NTN1: variants seen among roughly 807,000 people sequenced by gnomAD.
NTN1 encodes netrin 1.
NTN1 carries 11 observed loss-of-function variants against 54.2 expected under a neutral mutation model. The observed-to-expected ratio is 0.20, with a 90% CI of 0.13 to 0.34. NTN1 has a LOEUF of 0.34. Among genes scored for constraint, NTN1 ranks in the 10% least tolerant of loss-of-function variants. The pLI is 1.00. For synonymous variants in NTN1, 371 were observed against 382.0 expected, an observed-to-expected ratio of 0.97 and a Z score of 0.33; for missense variants, 740 against 893.1, an observed-to-expected ratio of 0.83 and a Z score of 2.18.
At chr17:9,134,373 C>G (rs376185819) in intron 2 of NTN1, among the ~76,000 whole-genome samples, 31 of 152,292 alleles carry the variant, frequency 2.0e-4, no homozygotes, top group East Asian at 1.2e-3. Context: ...CTCTCTCCCC[C>G]CAGAGCACTC....
chr17:9,151,072 G>T (rs1197284822), intron 2 of NTN1, among the ~76,000 whole-genome samples: 1 of 152,108 alleles, frequency 6.6e-6, no homozygotes, highest in Non-Finnish European at 1.5e-5. Context: ...ATTTCTGCTT[G>T]AAGAAGGAGA....
intron 2 of NTN1, among the ~76,000 whole-genome samples, chr17:9,043,925 C>A (rs1215703592): frequency 6.6e-6 from 1 of 151,872 alleles, no homozygotes; most frequent in South Asian, 2.1e-4. Flanking sequence ...TAATTTCTTA[C>A]CTAGGCTTCT....
chr17:9,056,679 G>A (rs910477277), intron 2 of NTN1, among the ~76,000 whole-genome samples: 4 of 152,062 alleles, frequency 2.6e-5, no homozygotes, highest in African/African-American at 4.8e-5. Flanking sequence ...AAGGGCACTC[G>A]TGTTCTATGA....
chr17:9,013,296 A>G, the NTN1 span, among the ~76,000 whole-genome samples: 2 of 144,840 alleles, frequency 1.4e-5, no homozygotes, highest in Non-Finnish European at 3.0e-5. Context: ...GGCTCACTGC[A>G]ACCTCCGCCT....
At chr17:9,031,910 G>A (rs1311025556) in intron 2 of NTN1, among the ~76,000 whole-genome samples, 2 of 151,986 alleles carry the variant, frequency 1.3e-5, no homozygotes, top group Non-Finnish European at 2.9e-5. Context: ...GCAATGAGTC[G>A]AGATCGTGCC....
At chr17:9,050,130 C>G (rs2091955267) in intron 2 of NTN1, among the ~76,000 whole-genome samples, 1 of 151,228 alleles carries the variant, frequency 6.6e-6, no homozygotes, top group Non-Finnish European at 1.5e-5. Flanking sequence ...GCCTGTAGTC[C>G]CAGCTACTCG....
chr17:9,162,544 A>G (rs377377764), intron 2 of NTN1, among the ~76,000 whole-genome samples: 2 of 152,340 alleles, frequency 1.3e-5, no homozygotes, highest in African/African-American at 4.8e-5. Flanking sequence ...CTCTGTCTCC[A>G]AATATGGTCA....
intron 5 of NTN1, among the ~76,000 whole-genome samples, chr17:9,210,666 G>A (rs577050755): frequency 6.0e-4 from 92 of 152,176 alleles, no homozygotes; most frequent in African/African-American, 2.1e-3. Context: ...CAACACTTTG[G>A]GAGGCCGAGG....
At chr17:9,036,166 A>G (rs557389125) in intron 2 of NTN1, among the ~76,000 whole-genome samples, 1 of 152,220 alleles carries the variant, frequency 6.6e-6, no homozygotes, top group Non-Finnish European at 1.5e-5. Flanking sequence ...TGGCCTGTTC[A>G]GCTTTAATAG....
intron 2 of NTN1, among the ~76,000 whole-genome samples, chr17:9,142,965 G>C (rs2092302589): frequency 6.6e-6 from 1 of 152,222 alleles, no homozygotes; most frequent in East Asian, 1.9e-4. Context: ...GTAATGTGCA[G>C]TGAAGAAAAG....
chr17:9,158,128 C>A (rs2092348383), intron 2 of NTN1, among the ~76,000 whole-genome samples: 1 of 152,180 alleles, frequency 6.6e-6, no homozygotes, highest in Admixed American at 6.5e-5. Context: ...TGGGCATTTG[C>A]CACTTGATGT....
chr17:9,206,678 C>T (rs1904977375), intron 5 of NTN1, among the ~76,000 whole-genome samples: 1 of 152,248 alleles, frequency 6.6e-6, no homozygotes, highest in Non-Finnish European at 1.5e-5. Flanking sequence ...TCGGAACCTT[C>T]CTGGCTCCTC....
At chr17:9,116,498 C>A (rs1228833708) in intron 2 of NTN1, among the ~76,000 whole-genome samples, 2 of 152,234 alleles carry the variant, frequency 1.3e-5, no homozygotes, top group East Asian at 3.9e-4. Context: ...CCTCCTCTCC[C>A]TGCCCTCTTT....
At chr17:9,042,736 G>A (rs1376459176) in intron 2 of NTN1, among the ~76,000 whole-genome samples, 2 of 151,164 alleles carry the variant, frequency 1.3e-5, no homozygotes, top group Non-Finnish European at 2.9e-5. Flanking sequence ...GCAGTGAGCC[G>A]AGATTGCGCC....
intron 2 of NTN1, among the ~76,000 whole-genome samples, chr17:9,158,071 AAG>A: frequency 6.6e-6 from 1 of 152,178 alleles, no homozygotes. Context: ...AAATAAAACA[AAG>A]AGAAAAGAAA....
chr17:9,145,011 C>T (rs1325023784), intron 2 of NTN1, among the ~76,000 whole-genome samples: 2 of 152,198 alleles, frequency 1.3e-5, no homozygotes, highest in East Asian at 1.9e-4. Flanking sequence ...GAAGGTGGAG[C>T]GGCGGGGGCC....
intron 2 of NTN1, among the ~76,000 whole-genome samples, chr17:9,075,096 G>A (rs1400012541): frequency 3.9e-5 from 6 of 152,192 alleles, no homozygotes; most frequent in Non-Finnish European, 8.8e-5. Context: ...GGTCTCTGGA[G>A]CCAGGCTACC....
At chr17:9,042,818 C>T (rs2091927131) in intron 2 of NTN1, among the ~76,000 whole-genome samples, 1 of 151,742 alleles carries the variant, frequency 6.6e-6, no homozygotes, top group Non-Finnish European at 1.5e-5. Context: ...TTTGTCTGAC[C>T]TTTTGTCACT....
At chr17:9,111,005 G>A (rs2092188544) in intron 2 of NTN1, among the ~76,000 whole-genome samples, 1 of 148,522 alleles carries the variant, frequency 6.7e-6, no homozygotes, top group Admixed American at 6.8e-5. Flanking sequence ...CGCGATCTCG[G>A]CTTACTGCAA....
Sources: allele counts gnomAD v4.1 joint callset (sites outside exome capture counted in the v4.1 genomes callset), GRCh38; gene constraint gnomAD v4.1.1; transcripts MANE v1.5; gene names NCBI Gene and HGNC (gene_info 2026-07-23, HGNC 2026-07-21).